The following PGPEP1 variants were observed in gnomAD, a reference collection of about 807,000 sequenced individuals.
The protein encoded by PGPEP1 is pyroglutamyl-peptidase 1.
A neutral mutation model predicts 24.1 loss-of-function variants in PGPEP1; 15 were observed. The ratio of observed to expected loss-of-function variants is 0.62; its 90% CI spans 0.42 to 0.96. The LOEUF is 0.96. Among genes scored for constraint, PGPEP1 ranks in the 40% least tolerant of loss-of-function variants. The pLI, the probability that PGPEP1 is intolerant of heterozygous loss-of-function variation, is 0.00. For missense variants in PGPEP1, 242 were observed against 273.4 expected (o/e 0.89, Z 0.81); for synonymous variants, 122 against 116.4 (o/e 1.05, Z -0.31).
At chr19:18,352,471 G>C (rs1390848608) in intron 2 of PGPEP1, among the ~76,000 whole-genome samples, 1 of 151,482 alleles carries the variant, frequency 6.6e-6, no homozygotes, top group Non-Finnish European at 1.5e-5. Flanking sequence ...TACATGATGT[G>C]TGCCCTGTCA....
At position 18,369,331 on chromosome 19, in the gene PGPEP1, A is replaced by T. The variant is rs1969915378; in HGVS notation, c.*5748A>T. 1 of 146,062 alleles carries T rather than the reference A, an allele frequency of 6.8e-6. No homozygotes were observed. The highest frequency in any genetic ancestry group is 1.5e-5 in the Non-Finnish European group (1 of 66,640). 9.0% of individuals were successfully genotyped at this position (146,062 alleles called of 1,614,324 possible). ...TCTTTCTCCCCGCTGTGCCTCCCCC[A>T]GTTACCCACAGAAGTGCCTGCCTCT... On this transcript the variant is annotated 3_prime_UTR_variant, in exon 5 of 5. Coordinates refer to ENST00000269919, the MANE Select transcript of PGPEP1 (RefSeq NM_017712.4).
At chr19:18,361,842 C>T in intron 4 of PGPEP1, 1 of 985,266 alleles carries the variant, frequency 1.0e-6, no homozygotes, top group Non-Finnish European at 1.2e-6. Context: ...GAAAGTCACA[C>T]TTACTGAGAA....
Position 18,357,620 on chromosome 19 carries a change from G to A in PGPEP1, c.437+5G>A. On this transcript the variant is annotated splice_donor_5th_base_variant and intron_variant, in intron 4 of 4. Coordinates refer to ENST00000269919, the MANE Select transcript of PGPEP1 (RefSeq NM_017712.4). ...CATCTCGCAGGATGCCGGCAGGTAG[G>A]GCCCTGTGGGGTGGGAGTGAGTGGG... 1 of 1,587,100 alleles carries A rather than the reference G, an allele frequency of 6.3e-7. No individual in the cohort carries two copies. The highest frequency in any genetic ancestry group is 8.6e-7 in the Non-Finnish European group (1 of 1,164,672).
intron 3 of PGPEP1, among the ~76,000 whole-genome samples, chr19:18,356,377 T>C (rs1315920408): frequency 1.3e-5 from 2 of 151,854 alleles, no homozygotes; most frequent in East Asian, 3.9e-4. Flanking sequence ...GAGGTTGCGG[T>C]GAGCCAAGAT....
At chr19:18,345,974 C>A (rs1268535789) in intron 2 of PGPEP1, among the ~76,000 whole-genome samples, 1 of 150,982 alleles carries the variant, frequency 6.6e-6, no homozygotes, top group Non-Finnish European at 1.5e-5. Flanking sequence ...GGTGACAAAG[C>A]GAGACTCTGT....
chr19:18,367,554 C>G lies in PGPEP1; in HGVS notation c.*3971C>G, dbSNP rs750646517. On this transcript the variant is annotated 3_prime_UTR_variant, in exon 5 of 5. Coordinates refer to ENST00000269919, the MANE Select transcript of PGPEP1 (RefSeq NM_017712.4). Reference sequence around the variant, plus strand: ...TTCCTTTATTCGGCCCCTAGCACCCCCTCCCCACCCCAAAGAAGGTCAGTT... The same window carrying G: ...TTCCTTTATTCGGCCCCTAGCACCCGCTCCCCACCCCAAAGAAGGTCAGTT... The G allele has an allele frequency of 5.3e-5, 8 of 151,918 alleles. No homozygotes were observed. The highest frequency in any genetic ancestry group is 1.9e-4 in the African/African-American group (8 of 41,294). The allele number at this position is 151,918 out of a possible 1,614,324, so 9.4% of individuals were successfully genotyped here.
At chr19:18,357,313 C>T in intron 3 of PGPEP1, 70 bp from the exon 4 acceptor site, 1 of 1,164,406 alleles carries the variant, frequency 8.6e-7, no homozygotes, top group Non-Finnish European at 1.3e-6. Context: ...TGCCTTTTCC[C>T]TGGCCTCAGG....
chr19:18,361,505 G>A (rs1196062527), intron 4 of PGPEP1, among the ~76,000 whole-genome samples: 2 of 151,566 alleles, frequency 1.3e-5, no homozygotes, highest in African/African-American at 2.4e-5. Context: ...GGCTGGTCTC[G>A]AACTCATGGA....
In PGPEP1 at chr19:18,359,349, C is replaced by T. The variant is rs145897812; in HGVS notation, c.437+1734C>T. On this transcript the variant is annotated intron_variant, in intron 4 of 4. Transcript: ENST00000269919. The stretch of plus-strand genomic sequence containing the variant: ...TGGCCCTTGGCCCGCCTCTCCACCC[C>T]GCTCTGCCTCTACTCACCCCATATC... 4.1e-3 allele frequency among the ~76,000 whole-genome samples: 626 copies of T among 152,162 alleles called. 5 individuals are homozygous for T. Among genetic ancestry groups the T allele is most frequent in the African/African-American group, 0.014 (582 of 41,524 alleles).
At chr19:18,354,911 G>A (rs1600213175) in intron 2 of PGPEP1, among the ~76,000 whole-genome samples, 2 of 151,336 alleles carry the variant, frequency 1.3e-5, no homozygotes, top group South Asian at 2.1e-4. Context: ...AACTGTTAGC[G>A]TGAGTGAGCA....
intron 2 of PGPEP1, among the ~76,000 whole-genome samples, chr19:18,348,500 G>A (rs34508206): frequency 4.9e-4 from 74 of 152,252 alleles, no homozygotes; most frequent in African/African-American, 1.7e-3. Flanking sequence ...GCATGAGGCC[G>A]GGTGTGCTGC....
intron 1 of PGPEP1, among the ~76,000 whole-genome samples, chr19:18,341,995 C>T (rs1290633291): frequency 5.3e-5 from 8 of 151,958 alleles, no homozygotes. Flanking sequence ...GCAACCTTCG[C>T]CTCCTGGGTT....
At chr19:18,352,196 C>T (rs962608510) in intron 2 of PGPEP1, among the ~76,000 whole-genome samples, 13 of 140,338 alleles carry the variant, frequency 9.3e-5, no homozygotes, top group South Asian at 2.3e-4. Flanking sequence ...GGCGTGAACC[C>T]GGGAGGCGGA....
intron 2 of PGPEP1, among the ~76,000 whole-genome samples, chr19:18,351,681 G>A (rs1251924676): frequency 6.6e-6 from 1 of 151,902 alleles, no homozygotes; most frequent in African/African-American, 2.4e-5. Flanking sequence ...AGATGTGGTG[G>A]TACATGCCTG....
intron 1 of PGPEP1, among the ~76,000 whole-genome samples, chr19:18,342,619 G>C (rs1568307319): frequency 6.6e-6 from 1 of 152,146 alleles, no homozygotes; most frequent in Non-Finnish European, 1.5e-5. Flanking sequence ...TGAGCATGAG[G>C]GGCAGGTGGA....
At chr19:18,356,457 G>C (rs890881016) in intron 3 of PGPEP1, among the ~76,000 whole-genome samples, 3 of 150,298 alleles carry the variant, frequency 2.0e-5, no homozygotes, top group African/African-American at 7.3e-5. Context: ...AACCCAAAGG[G>C]CTATCCAGGC....
chr19:18,354,543 G>A (rs964775987), intron 2 of PGPEP1, among the ~76,000 whole-genome samples: 1 of 151,946 alleles, frequency 6.6e-6, no homozygotes, highest in African/African-American at 2.4e-5. Context: ...CAGGGCACAG[G>A]GTCTCACCCT....
chr19:18,342,910 A>G lies in PGPEP1; in HGVS notation c.86A>G (p.Gln29Arg). Reference protein sequence around the residue: ...HTVNASWIAVQELEKLGLGDS... With the variant: ...HTVNASWIAVRELEKLGLGDS... Reference sequence around the variant, plus strand: ...GTGAACGCCAGTTGGATTGCAGTTCAGGTAACTTAGATCCGGAGGGTGGGA... The same window carrying G: ...GTGAACGCCAGTTGGATTGCAGTTCGGGTAACTTAGATCCGGAGGGTGGGA... Residue 29 changes from glutamine to arginine, a missense_variant and splice_region_variant, in exon 2 of 5, where the codon CAG becomes CGG. Transcript: ENST00000269919. The G allele has an allele frequency of 6.2e-7, 1 of 1,612,416 alleles. No individual in the cohort carries two copies. Among genetic ancestry groups the G allele is most frequent in the Non-Finnish European group, 8.5e-7 (1 of 1,178,450 alleles).
At position 18,345,353 on chromosome 19, in the gene PGPEP1, G is replaced by A. The variant is rs190810295; in HGVS notation, c.87+2442G>A. ...TAGGACACAAGATTCCCCACCATTC[G>A]CCTGCCAAAAAGATGCCAACCTTCT... On this transcript the variant is annotated intron_variant, in intron 2 of 4. Coordinates refer to ENST00000269919, the MANE Select transcript of PGPEP1 (RefSeq NM_017712.4). 4.6e-5 allele frequency among the ~76,000 whole-genome samples: 7 copies of A among 151,896 alleles called. No homozygotes were observed. In the East Asian group the frequency reaches 5.8e-4, roughly 13 times the overall value.
Sources: allele counts gnomAD v4.1 joint callset (sites outside exome capture counted in the v4.1 genomes callset), GRCh38; gene constraint gnomAD v4.1.1; transcripts MANE v1.5; gene names NCBI Gene and HGNC (gene_info 2026-07-23, HGNC 2026-07-21).